The following LIX1 variants were observed in gnomAD, a reference collection of about 807,000 sequenced individuals.
The protein encoded by LIX1 is limb and CNS expressed 1.
LIX1 carries 24 observed loss-of-function variants against 33.4 expected under a neutral mutation model. The observed-to-expected ratio is 0.72, with a 90% CI of 0.52 to 1.01. The LOEUF (loss-of-function observed/expected upper bound fraction) is 1.01. Ranked by LOEUF, LIX1 falls within the 50% of genes least tolerant of loss-of-function variation. The pLI, the probability that LIX1 is intolerant of heterozygous loss-of-function variation, is 0.00. For missense variants in LIX1, 311 were observed against 339.2 expected (o/e 0.92, Z 0.65); for synonymous variants, 124 against 124.0 (o/e 1.00, Z 0.00).
rs1223537417 is a variant in LIX1 at position 97,092,120 on chromosome 5, A to G, written c.*2628T>C. 6.6e-6 allele frequency: 1 copy of G among 152,324 alleles called. No individual in the cohort carries two copies. Among genetic ancestry groups the G allele is most frequent in the African/African-American group, 2.4e-5 (1 of 41,468 alleles). The allele number at this position is 152,324 out of a possible 1,614,324, so 9.4% of individuals were successfully genotyped here. ...TCCCTGATGTAAAGTTTGACAGTGT[A>G]TGTTGTGTTCAAAATCAACAGTTCT... On this transcript the variant is annotated 3_prime_UTR_variant, in exon 6 of 6. Transcript: ENST00000274382.
chr5:97,108,985 C>G (rs976364915), intron 2 of LIX1, among the ~76,000 whole-genome samples: 2 of 152,104 alleles, frequency 1.3e-5, no homozygotes, highest in African/African-American at 4.8e-5. Context: ...CACAACATCC[C>G]CACCTCCATC....
intron 4 of LIX1, among the ~76,000 whole-genome samples, chr5:97,104,519 A>G (rs1411106770): frequency 2.0e-5 from 3 of 152,354 alleles, no homozygotes; most frequent in Middle Eastern, 3.4e-3. Context: ...GATATTATCC[A>G]CCTCATACAG....
Position 97,094,259 on chromosome 5 carries a change from A to G in LIX1, c.*489T>C, listed in dbSNP as rs926890460. On this transcript the variant is annotated 3_prime_UTR_variant, in exon 6 of 6. Transcript: ENST00000274382. ...TCTAGTAGGACATAAACTATTGCTT[A>G]GCTTACAAAGCTTAGAAAGAGACTC... 1.9e-5 allele frequency: 3 copies of G among 155,836 alleles called. No homozygotes were observed. The highest frequency in any genetic ancestry group is 6.2e-5 in the Admixed American group (1 of 16,056). 9.7% of individuals were successfully genotyped at this position (155,836 alleles called of 1,614,324 possible).
intron 2 of LIX1, among the ~76,000 whole-genome samples, chr5:97,108,024 A>T (rs1239301205): frequency 6.6e-6 from 1 of 152,210 alleles, no homozygotes; most frequent in Non-Finnish European, 1.5e-5. Flanking sequence ...TTCCTCCTCT[A>T]TAAAATGGGA....
intron 4 of LIX1, among the ~76,000 whole-genome samples, chr5:97,097,572 A>G (rs1008506295): frequency 2.0e-5 from 3 of 152,238 alleles, no homozygotes; most frequent in Non-Finnish European, 4.4e-5. Flanking sequence ...GGACAGGAGT[A>G]GGAGGGAGAC....
At chr5:97,142,027 T>A (rs1748302099) in intron 1 of LIX1, among the ~76,000 whole-genome samples, 1 of 152,174 alleles carries the variant, frequency 6.6e-6, no homozygotes, top group Non-Finnish European at 1.5e-5. Context: ...AAAAGTTCAG[T>A]GGTGATTTAC....
rs1046589656 is a variant in LIX1 at position 97,093,468 on chromosome 5, G to C, written c.*1280C>G. On this transcript the variant is annotated 3_prime_UTR_variant, in exon 6 of 6. Transcript: ENST00000274382. ...TGACATTGCTGACATTCTTAAATTT[G>C]AGTGACCAGGAACTATCTAAAAATT... 6 of 152,008 alleles carry C rather than the reference G, an allele frequency of 3.9e-5. No individual in the cohort carries two copies. The highest frequency in any genetic ancestry group is 1.5e-4 in the African/African-American group (6 of 41,342). 9.4% of individuals were successfully genotyped at this position (152,008 alleles called of 1,614,324 possible).
chr5:97,107,227 A>G (rs1747096539), intron 3 of LIX1, 133 bp downstream of exon 3: 2 of 857,552 alleles, frequency 2.3e-6, no homozygotes, highest in Non-Finnish European at 3.6e-6. Flanking sequence ...CTGAAAATTA[A>G]CAATTCAGTG....
At chr5:97,131,103 T>C (rs1748047792) in intron 1 of LIX1, among the ~76,000 whole-genome samples, 1 of 152,236 alleles carries the variant, frequency 6.6e-6, no homozygotes, top group Non-Finnish European at 1.5e-5. Flanking sequence ...AAGGTCAGCA[T>C]TGAGGCTTTC....
intron 1 of LIX1, among the ~76,000 whole-genome samples, chr5:97,129,359 C>A (rs1012235213): frequency 2.0e-5 from 3 of 152,094 alleles, no homozygotes; most frequent in African/African-American, 7.2e-5. Context: ...TCAGGCTCCA[C>A]CCTAGGCCTT....
chr5:97,129,547 C>T (rs1353816685), intron 1 of LIX1, among the ~76,000 whole-genome samples: 2 of 151,824 alleles, frequency 1.3e-5, no homozygotes, highest in Admixed American at 6.6e-5. Flanking sequence ...CATTCACATC[C>T]TACAAAGGAA....
At chr5:97,096,668 C>A in intron 5 of LIX1, 142 bp downstream of exon 5, 1 of 635,386 alleles carries the variant, frequency 1.6e-6, no homozygotes, top group Non-Finnish European at 2.8e-6. Flanking sequence ...CTATATATTT[C>A]TTTGTGTGTC....
chr5:97,103,664 G>A (rs914754890), intron 4 of LIX1, among the ~76,000 whole-genome samples: 2 of 152,266 alleles, frequency 1.3e-5, no homozygotes, highest in African/African-American at 4.8e-5. Context: ...GGCCACTTAA[G>A]GATAAAACTG....
At chr5:97,139,319 G>A (rs1410789171) in intron 1 of LIX1, among the ~76,000 whole-genome samples, 2 of 152,202 alleles carry the variant, frequency 1.3e-5, no homozygotes, top group African/African-American at 4.8e-5. Context: ...GTTGAAGAAA[G>A]AGCTCAAAGA....
chr5:97,132,973 A>T lies in LIX1; in HGVS notation c.83-8344T>A, dbSNP rs182034731. On this transcript the variant is annotated intron_variant, in intron 1 of 5. Coordinates refer to ENST00000274382, the MANE Select transcript of LIX1 (RefSeq NM_153234.5). ...ACACCCAGAGGGCATCATACTCAAC[A>T]TTCAGGGCTTATCATTTGTGTATAT... is the stretch of plus-strand genomic sequence containing the variant. Among the ~76,000 whole-genome samples the T allele has an allele frequency of 1.8e-4, 28 of 152,336 alleles. No individual in the cohort carries two copies. In the East Asian group the frequency reaches 4.8e-3, roughly 26 times the overall value.
At chr5:97,140,819 C>A (rs751851758) in intron 1 of LIX1, among the ~76,000 whole-genome samples, 3 of 152,186 alleles carry the variant, frequency 2.0e-5, no homozygotes, top group Non-Finnish European at 4.4e-5. Context: ...TTAAGCCATG[C>A]AAGCAGTTGC....
At chr5:97,124,006 C>T (rs952887487) in intron 2 of LIX1, among the ~76,000 whole-genome samples, 2 of 152,178 alleles carry the variant, frequency 1.3e-5, no homozygotes, top group African/African-American at 4.8e-5. Flanking sequence ...AAAACAGATA[C>T]ACCTGGTAAC....
At chr5:97,127,747 T>G (rs567814767) in intron 1 of LIX1, among the ~76,000 whole-genome samples, 6 of 152,228 alleles carry the variant, frequency 3.9e-5, no homozygotes, top group African/African-American at 1.4e-4. Context: ...CAATACATAG[T>G]TGATCTCTAG....
intron 1 of LIX1, among the ~76,000 whole-genome samples, chr5:97,127,105 A>C (rs1747946135): frequency 6.6e-6 from 1 of 152,206 alleles, no homozygotes; most frequent in Non-Finnish European, 1.5e-5. Flanking sequence ...GACCTCCAGA[A>C]GTCAGCAGAG....
Sources: allele counts gnomAD v4.1 joint callset (sites outside exome capture counted in the v4.1 genomes callset), GRCh38; gene constraint gnomAD v4.1.1; transcripts MANE v1.5; gene names NCBI Gene and HGNC (gene_info 2026-07-23, HGNC 2026-07-21).